PHC3: variants seen among roughly 807,000 people sequenced by gnomAD.
PHC3 encodes the protein polyhomeotic homolog 3.
In PHC3, 13 loss-of-function variants were observed where a neutral mutation model predicts 107.4. That is an observed-to-expected ratio of 0.12 (90% CI 0.08 to 0.19). The LOEUF (loss-of-function observed/expected upper bound fraction) is 0.19. Ranked by LOEUF, PHC3 falls within the 10% of genes least tolerant of loss-of-function variation. The probability of loss-of-function intolerance (pLI) is 1.00; values close to 1 mark genes in which losing one functional copy is unlikely to be tolerated. For synonymous variants in PHC3, 456 were observed against 427.4 expected (o/e 1.07, Z -0.83); for missense variants, 992 against 1,210.9 (o/e 0.82, Z 2.68).
rs1158405687 is a variant in PHC3 at position 170,155,848 on chromosome 3, A to G, written c.415-6604T>C. The stretch of plus-strand genomic sequence containing the variant: ...CCCATGCACCACTACCTGTGAGAAC[A>G]GTCACCAAAATGTTAAAGGTGTATA... On this transcript the variant is annotated intron_variant, in intron 4 of 14. Coordinates refer to ENST00000495893, the MANE Select transcript of PHC3 (RefSeq NM_024947.4). Among the ~76,000 whole-genome samples the G allele has an allele frequency of 2.0e-5, 3 of 152,226 alleles. 1 individual carries two copies. The highest frequency in any genetic ancestry group is 4.4e-5 in the Non-Finnish European group (3 of 68,044).
At chr3:170,162,942 C>T (rs1728123856) in intron 4 of PHC3, among the ~76,000 whole-genome samples, 1 of 152,154 alleles carries the variant, frequency 6.6e-6, no homozygotes, top group Non-Finnish European at 1.5e-5. Context: ...CTTTCCCTGA[C>T]CATCCTAATT....
intron 7 of PHC3, among the ~76,000 whole-genome samples, chr3:170,133,765 A>C (rs1166106798): frequency 6.6e-6 from 1 of 152,142 alleles, no homozygotes; most frequent in Non-Finnish European, 1.5e-5. Flanking sequence ...GAGGAATGCA[A>C]ACTATAAGCA....
chr3:170,137,216 T>C (rs1219942113), intron 6 of PHC3, among the ~76,000 whole-genome samples: 1 of 152,178 alleles, frequency 6.6e-6, no homozygotes, highest in African/African-American at 2.4e-5. Flanking sequence ...TAGTAAAATT[T>C]TGGTGGTGGT....
At chr3:170,127,943 C>T (rs540364550) in intron 8 of PHC3, among the ~76,000 whole-genome samples, 10 of 151,834 alleles carry the variant, frequency 6.6e-5, no homozygotes, top group South Asian at 2.1e-4. Context: ...CTCAATTATT[C>T]GAAACTTTTA....
At chr3:170,176,297 T>C (rs1730470378) in intron 2 of PHC3, among the ~76,000 whole-genome samples, 1 of 151,350 alleles carries the variant, frequency 6.6e-6, no homozygotes, top group South Asian at 2.1e-4. Flanking sequence ...GTAAAAAACA[T>C]TAAAACCTCA....
At chr3:170,130,906 G>A (rs1396600730) in intron 7 of PHC3, among the ~76,000 whole-genome samples, 1 of 151,854 alleles carries the variant, frequency 6.6e-6, no homozygotes, top group African/African-American at 2.4e-5. Flanking sequence ...TTTAAAGACA[G>A]GGCAATTTTT....
intron 8 of PHC3, among the ~76,000 whole-genome samples, chr3:170,127,718 G>A (rs1577074996): frequency 6.6e-6 from 1 of 152,236 alleles, no homozygotes; most frequent in East Asian, 1.9e-4. Flanking sequence ...CTTGGATGAG[G>A]TGTAATACAA....
chr3:170,105,104 A>T lies in PHC3; in HGVS notation c.2468+1728T>A, dbSNP rs536952208. On this transcript the variant is annotated intron_variant, in intron 12 of 14. Coordinates refer to ENST00000495893, the MANE Select transcript of PHC3 (RefSeq NM_024947.4). ...ATACTAATGTGACAGCTCAGCAATC[A>T]TCTCTGAGAGAAGACTGATGGCAGC... is the stretch of plus-strand genomic sequence containing the variant. Among the ~76,000 whole-genome samples, 5 of 152,328 alleles carry T rather than the reference A, an allele frequency of 3.3e-5. No homozygotes were observed. In the South Asian group the frequency reaches 8.3e-4, roughly 25 times the overall value.
chr3:170,135,744 T>C (rs967858218), intron 7 of PHC3, among the ~76,000 whole-genome samples: 13 of 151,820 alleles, frequency 8.6e-5, no homozygotes, highest in Admixed American at 5.9e-4. Context: ...TGTAACTCTT[T>C]ATCTTATCAA....
intron 6 of PHC3, 109 bp from the exon 7 acceptor site, chr3:170,136,774 TA>T: frequency 8.6e-7 from 1 of 1,164,592 alleles, no homozygotes; most frequent in Non-Finnish European, 1.2e-6. Flanking sequence ...ATGCTTTTCA[TA>T]CGTAAAGCTC....
intron 4 of PHC3, among the ~76,000 whole-genome samples, chr3:170,156,245 C>A (rs1294053336): frequency 2.0e-5 from 3 of 152,046 alleles, no homozygotes; most frequent in Admixed American, 2.0e-4. Context: ...GCCACCATAT[C>A]CGGCCCTATG....
intron 8 of PHC3, among the ~76,000 whole-genome samples, chr3:170,126,528 A>ATTTTTTTT (rs1553788612): frequency 2.2e-5 from 2 of 90,636 alleles, no homozygotes; most frequent in Non-Finnish European, 4.2e-5. Flanking sequence ...ATATATATAT[A>ATTTTTTTT]TTTTTTTTTT....
intron 8 of PHC3, among the ~76,000 whole-genome samples, chr3:170,126,953 A>AT (rs1364570182): frequency 1.3e-5 from 2 of 151,374 alleles, no homozygotes; most frequent in Non-Finnish European, 2.9e-5. Flanking sequence ...TTTAAATTGT[A>AT]TTTTTTTTCT....
At chr3:170,116,237 G>A (rs1289911068) in intron 10 of PHC3, among the ~76,000 whole-genome samples, 1 of 152,086 alleles carries the variant, frequency 6.6e-6, no homozygotes, top group Non-Finnish European at 1.5e-5. Flanking sequence ...CATCAATTGG[G>A]TAGCTTCAGA....
intron 7 of PHC3, among the ~76,000 whole-genome samples, chr3:170,133,910 T>C (rs1435199432): frequency 6.6e-6 from 1 of 152,182 alleles, no homozygotes; most frequent in Non-Finnish European, 1.5e-5. Flanking sequence ...CCCGGCTTTC[T>C]CTGAAAGTAA....
At chr3:170,180,634 T>C (rs1731237828) in intron 1 of PHC3, among the ~76,000 whole-genome samples, 1 of 151,286 alleles carries the variant, frequency 6.6e-6, no homozygotes. Flanking sequence ...TTCAACATTA[T>C]ACAGTATTAG....
chr3:170,122,431 T>A lies in PHC3; in HGVS notation c.1942+160A>T, dbSNP rs535456622. Among the ~76,000 whole-genome samples, 95 of 152,116 alleles carry A rather than the reference T, an allele frequency of 6.2e-4. 1 individual carries two copies. Among genetic ancestry groups the A allele is most frequent in the African/African-American group, 2.3e-3 (95 of 41,496 alleles). On this transcript the variant is annotated intron_variant, in intron 9 of 14. Coordinates refer to ENST00000495893, the MANE Select transcript of PHC3 (RefSeq NM_024947.4). ...CCAGCCTAAGCAACATAGTAAAACC[T>A]CGTCACCATAAAAAATAAAAAATCA... is the stretch of plus-strand genomic sequence containing the variant.
intron 1 of PHC3, 57 bp downstream of exon 1, chr3:170,181,645 T>C (rs1272421724): frequency 1.2e-6 from 2 of 1,612,254 alleles, no homozygotes; most frequent in African/African-American, 1.3e-5. Context: ...GGGGAACGTG[T>C]CGCTGCCCCA....
chr3:170,169,269 A>G (rs1398036691), intron 4 of PHC3, among the ~76,000 whole-genome samples: 1 of 152,088 alleles, frequency 6.6e-6, no homozygotes, highest in Non-Finnish European at 1.5e-5. Flanking sequence ...TCTTCTGGAG[A>G]ATGGACCCTT....
Sources: gnomAD v4.1 joint callset for allele counts (sites outside exome capture counted in the v4.1 genomes callset) on GRCh38, gnomAD v4.1.1 for gene constraint, MANE v1.5 for transcripts, NCBI Gene and HGNC (gene_info 2026-07-23, HGNC 2026-07-21) for gene names.